Variants in STXBP5 observed in about 807,000 individuals in gnomAD.
STXBP5 encodes the protein syntaxin-binding protein 5.
STXBP5 carries 50 observed loss-of-function variants against 152.4 expected under a neutral mutation model. The observed-to-expected ratio is 0.33, with a 90% confidence interval of 0.26 to 0.42. STXBP5 has a LOEUF of 0.42. Among genes scored for constraint, STXBP5 ranks in the 10% least tolerant of loss-of-function variants. The pLI is 1.00. For missense variants in STXBP5, 1,167 were observed against 1,388.6 expected (o/e 0.84, Z 2.54); for synonymous variants, 492 against 494.7 (o/e 0.99, Z 0.07).
chr6:147,236,551 A>G (rs553954585), intron 3 of STXBP5, among the ~76,000 whole-genome samples: 39 of 151,852 alleles, frequency 2.6e-4, no homozygotes, highest in African/African-American at 8.5e-4. Context: ...TAACTAGACT[A>G]TAGACCTTTA....
chr6:147,243,806 T>TTTTTGC (rs1778665160), intron 4 of STXBP5, among the ~76,000 whole-genome samples: 1 of 152,102 alleles, frequency 6.6e-6, no homozygotes, highest in Non-Finnish European at 1.5e-5. Flanking sequence ...TTTAATTCTT[T>TTTTTGC]TTTTTGCTTA....
chr6:147,316,401 G>T lies in STXBP5; in HGVS notation c.1796G>T (p.Cys599Phe). Residue 599 changes from cysteine to phenylalanine, a missense_variant, in exon 16 of 28, where the codon TGT (cysteine) becomes TTT (phenylalanine). Cys to Phe is a radical substitution (Grantham distance 205). Transcript: ENST00000321680. ...GATGGGCTTCGTGATAATGTACCTTGTTTAAAGTAAGTTATAAAAAACTAC... is the reference window on the plus strand; with the variant it reads ...GATGGGCTTCGTGATAATGTACCTTTTTTAAAGTAAGTTATAAAAAACTAC... ...SSDGLRDNVP[C>F]LKVKNSPLKQ... The T allele has an allele frequency of 1.3e-6, 2 of 1,513,898 alleles. No homozygotes were observed. The highest frequency in any genetic ancestry group is 2.4e-5 in the Admixed American group (1 of 41,500). 93.8% of individuals were successfully genotyped at this position (1,513,898 alleles called of 1,614,324 possible).
intron 9 of STXBP5, among the ~76,000 whole-genome samples, chr6:147,295,392 T>C (rs919548673): frequency 1.3e-5 from 2 of 152,184 alleles, no homozygotes; most frequent in African/African-American, 4.8e-5. Context: ...TAAAAGCGAA[T>C]ATTGGGTCCT....
At chr6:147,250,186 T>G (rs1779012749) in intron 4 of STXBP5, among the ~76,000 whole-genome samples, 2 of 152,088 alleles carry the variant, frequency 1.3e-5, no homozygotes, top group South Asian at 2.1e-4. Context: ...ATTAAGAGAG[T>G]AGAGCTTAGA....
At chr6:147,337,192 G>GACACACAC (rs61074711) in intron 19 of STXBP5, among the ~76,000 whole-genome samples, 50 of 53,946 alleles carry the variant, frequency 9.3e-4, no homozygotes, top group African/African-American at 2.4e-3. Context: ...CACATACATA[G>GACACACAC]ACACACACAC....
chr6:147,363,302 A>AT, intron 23 of STXBP5, 33 bp from the exon 24 acceptor site: 1 of 1,528,220 alleles, frequency 6.5e-7, no homozygotes, highest in Non-Finnish European at 8.8e-7. Flanking sequence ...TGATTAAAAT[A>AT]TTTCAGTTAT....
intron 4 of STXBP5, among the ~76,000 whole-genome samples, chr6:147,241,744 G>A (rs929131743): frequency 1.2e-4 from 18 of 151,246 alleles, no homozygotes; most frequent in African/African-American, 3.9e-4. Context: ...TTATAGATTA[G>A]GGATGTTATA....
At chr6:147,268,618 C>T (rs1419168115) in intron 7 of STXBP5, among the ~76,000 whole-genome samples, 2 of 152,142 alleles carry the variant, frequency 1.3e-5, no homozygotes, top group African/African-American at 4.8e-5. Context: ...AATACAGTTC[C>T]TATCATTTCT....
chr6:147,258,870 A>G (rs1189906597), intron 4 of STXBP5, among the ~76,000 whole-genome samples: 1 of 152,162 alleles, frequency 6.6e-6, no homozygotes, highest in Non-Finnish European at 1.5e-5. Context: ...GGATTTTAAT[A>G]TCACTGGCAT....
chr6:147,338,088 T>C (rs1372440205), intron 19 of STXBP5, among the ~76,000 whole-genome samples: 1 of 152,080 alleles, frequency 6.6e-6, no homozygotes, highest in Non-Finnish European at 1.5e-5. Flanking sequence ...AGAAAACCTT[T>C]TATCTACTTC....
intron 18 of STXBP5, among the ~76,000 whole-genome samples, chr6:147,332,444 G>A (rs1783622373): frequency 6.6e-6 from 1 of 152,194 alleles, no homozygotes; most frequent in Non-Finnish European, 1.5e-5. Context: ...AGGTTTAAAG[G>A]ACGTGAGAGA....
chr6:147,363,214 T>G, intron 23 of STXBP5, 121 bp from the exon 24 acceptor site: 2 of 1,014,720 alleles, frequency 2.0e-6, no homozygotes, highest in South Asian at 2.0e-5. Context: ...AATGAGCCAG[T>G]GTTCAGTTCA....
chr6:147,313,744 A>G (rs1008490141), intron 11 of STXBP5, 140 bp from the exon 12 acceptor site: 11 of 590,408 alleles, frequency 1.9e-5, no homozygotes, highest in Non-Finnish European at 2.6e-5. Flanking sequence ...AAAGACTTCC[A>G]TTTTTAAATA....
chr6:147,260,890 T>C, intron 5 of STXBP5, 141 bp downstream of exon 5: 1 of 1,104,208 alleles, frequency 9.1e-7, no homozygotes, highest in Non-Finnish European at 1.2e-6. Flanking sequence ...TTTATTAGTT[T>C]TTTATGAGTA....
chr6:147,223,562 C>T (rs1562419745), intron 2 of STXBP5, among the ~76,000 whole-genome samples: 1 of 152,082 alleles, frequency 6.6e-6, no homozygotes, highest in Non-Finnish European at 1.5e-5. Context: ...GAAGGTAATG[C>T]TTAATTATAC....
intron 26 of STXBP5, among the ~76,000 whole-genome samples, 159 bp from the exon 27 acceptor site, chr6:147,382,619 C>T (rs1786142786): frequency 1.3e-5 from 2 of 152,016 alleles, no homozygotes; most frequent in South Asian, 2.1e-4. Flanking sequence ...TTAAACCAAT[C>T]ATAACAAAAG....
chr6:147,236,864 C>T (rs1028962804), intron 3 of STXBP5, among the ~76,000 whole-genome samples: 14 of 151,694 alleles, frequency 9.2e-5, no homozygotes, highest in Non-Finnish European at 1.5e-4. Flanking sequence ...CTGCAACCTC[C>T]GCCTCCCGGG....
rs747837634 is a variant in STXBP5, at chr6:147,363,657, T to C, written c.2868T>C (p.Ser956=). 6.2e-7 allele frequency: 1 copy of C among 1,613,896 alleles called. No homozygotes were observed. Among genetic ancestry groups the C allele is most frequent in the South Asian group, 1.1e-5 (1 of 90,994 alleles). The part of the protein sequence containing the change: ...LRGDIVALSN[S]ICLACFCANG... ...GAGATATTGTAGCATTGAGTAACAG[T>C]ATCTGCCTTGCCTGTTTCTGTGCCA... The change falls in exon 24 of 28, where the codon AGT becomes AGC. Residue 956 remains serine (S), a synonymous_variant. Coordinates refer to ENST00000321680, the MANE Select transcript of STXBP5 (RefSeq NM_001127715.4).
chr6:147,378,788 T>TA (rs1404579627), intron 26 of STXBP5, among the ~76,000 whole-genome samples: 1 of 152,136 alleles, frequency 6.6e-6, no homozygotes, highest in African/African-American at 2.4e-5. Context: ...TTAACAGTAA[T>TA]AAAAAATGAA....
Sources: allele counts gnomAD v4.1 joint callset (sites outside exome capture counted in the v4.1 genomes callset), GRCh38; gene constraint gnomAD v4.1.1; transcripts MANE v1.5; gene names NCBI Gene and HGNC (gene_info 2026-07-23, HGNC 2026-07-21).